The following FREM2 variants were observed in gnomAD, a reference collection of about 807,000 sequenced individuals.
FREM2 encodes the protein FRAS1-related extracellular matrix protein 2.
In FREM2, 119 loss-of-function variants were observed where a neutral mutation model predicts 219.9. That is an observed-to-expected ratio of 0.54 (90% CI 0.47 to 0.63). The LOEUF (loss-of-function observed/expected upper bound fraction) is 0.63. FREM2 is among the 30% of genes least tolerant of loss of function. The probability of loss-of-function intolerance (pLI) is 0.00; values close to 1 mark genes in which losing one functional copy is unlikely to be tolerated. For synonymous variants in FREM2, 1,562 were observed against 1,522.8 expected, an observed-to-expected ratio of 1.03 and a Z score of -0.60; for missense variants, 4,030 against 3,993.6, an observed-to-expected ratio of 1.01 and a Z score of -0.25.
At chr13:38,762,072 C>A (rs778316889) in intron 2 of FREM2, among the ~76,000 whole-genome samples, 2 of 152,084 alleles carry the variant, frequency 1.3e-5, no homozygotes, top group African/African-American at 4.8e-5. Context: ...CGTGGCAGGG[C>A]AGAGTGAGCT....
rs200412879 is a variant in FREM2, at chr13:38,689,263, T to C, written c.1919T>C (p.Val640Ala). 1.0e-4 allele frequency: 164 copies of C among 1,613,888 alleles called. No individual in the cohort carries two copies. Among genetic ancestry groups the C allele is most frequent in the Non-Finnish European group, 1.4e-4 (163 of 1,180,010 alleles). ...RKEGAFYERT[V>A]TEWQQQDITE... is the part of the protein sequence containing the mutation. ...GAGGGGGCATTTTATGAGCGAACAG[T>C]GACAGAGTGGCAGCAGCAGGACATA... The change falls in exon 1 of 24, where the codon GTG becomes GCG. Residue 640 changes from valine to alanine, a missense_variant. Val to Ala is a moderately conservative substitution (Grantham distance 64). Around this residue, in one of 2 missense-constraint regions of FREM2, gnomAD observed 3,102 missense variants for 2,950.7 expected, o/e 1.05. Transcript: ENST00000280481.
intron 2 of FREM2, among the ~76,000 whole-genome samples, chr13:38,698,528 G>T (rs9603410): frequency 0.021 from 3,182 of 152,204 alleles, 104 homozygotes; most frequent in African/African-American, 0.071. Flanking sequence ...GTCACTTTCA[G>T]ATTGCTCATA....
At position 38,833,403 on chromosome 13, in the gene FREM2, C is replaced by T. The variant is rs79366595; in HGVS notation, c.6020-13170C>T. Among the ~76,000 whole-genome samples, 1,205 of 152,098 alleles carry T rather than the reference C, an allele frequency of 7.9e-3. 19 individuals carry two copies. Among genetic ancestry groups the T allele is most frequent in the African/African-American group, 0.027 (1,106 of 41,510 alleles). On this transcript the variant is annotated intron_variant, in intron 6 of 23. Coordinates refer to ENST00000280481, the MANE Select transcript of FREM2 (RefSeq NM_207361.6). The stretch of plus-strand genomic sequence containing the variant: ...TCTTGTAATATTGGGAAACTTCTCC[C>T]TATTCTTAGTTATTTTTTATTCTCT...
intron 6 of FREM2, among the ~76,000 whole-genome samples, chr13:38,798,891 A>C (rs983125987): frequency 3.3e-5 from 5 of 151,900 alleles, no homozygotes; most frequent in Admixed American, 3.3e-4. Context: ...GAGGTTTATC[A>C]ATTTCATTTA....
At chr13:38,854,871 A>C (rs1218582146) in intron 11 of FREM2, among the ~76,000 whole-genome samples, 1 of 152,184 alleles carries the variant, frequency 6.6e-6, no homozygotes, top group Non-Finnish European at 1.5e-5. Context: ...CCAGACTCTA[A>C]AGGATTTGTA....
chr13:38,852,054 G>C (rs1371186945), intron 11 of FREM2, among the ~76,000 whole-genome samples, 186 bp downstream of exon 11: 3 of 152,138 alleles, frequency 2.0e-5, no homozygotes, highest in Non-Finnish European at 2.9e-5. Flanking sequence ...TAGTAGTGAA[G>C]TCTAGTCTTT....
chr13:38,877,663 A>G (rs187549742), intron 21 of FREM2, among the ~76,000 whole-genome samples: 73 of 152,340 alleles, frequency 4.8e-4, no homozygotes, highest in South Asian at 1.9e-3. Context: ...TAGGGGTTCA[A>G]TAATAGTTAT....
intron 4 of FREM2, among the ~76,000 whole-genome samples, chr13:38,772,702 T>TC (rs1873713172): frequency 9.3e-4 from 1 of 1,080 alleles, no homozygotes; most frequent in Non-Finnish European, 2.1e-3. Context: ...TCTCTCTCTC[T>TC]TTTTTTTTTT....
At chr13:38,776,122 A>C (rs1415207203) in intron 4 of FREM2, among the ~76,000 whole-genome samples, 2 of 152,324 alleles carry the variant, frequency 1.3e-5, no homozygotes, top group Middle Eastern at 3.4e-3. Flanking sequence ...AAACCATAGA[A>C]ATGTAAGAAA....
At chr13:38,764,481 A>C in intron 3 of FREM2, 31 bp downstream of exon 3, 1 of 1,261,524 alleles carries the variant, frequency 7.9e-7, no homozygotes, top group Admixed American at 2.0e-5. Flanking sequence ...CTGTTTTAAA[A>C]TTTTATTTTT....
chr13:38,763,197 C>A (rs769965911), intron 2 of FREM2, among the ~76,000 whole-genome samples: 8 of 152,178 alleles, frequency 5.3e-5, no homozygotes, highest in Non-Finnish European at 7.3e-5. Flanking sequence ...CCTACATAAT[C>A]TCAGTTGTAC....
rs1164391867 is a variant in FREM2 at position 38,823,850 on chromosome 13, GCAAGAAAAAA to G, written c.6020-22722_6020-22713del. 7.7e-3 allele frequency among the ~76,000 whole-genome samples: 1,164 copies of G among 152,150 alleles called. 7 individuals carry two copies. Among genetic ancestry groups the G allele is most frequent in the Non-Finnish European group, 0.011 (729 of 67,976 alleles). On this transcript the variant is annotated intron_variant, in intron 6 of 23. Transcript: ENST00000280481. ...AATATGGAAAGAAAAGGATGAAGATGCAAGAAAAAAGGTTGTGGCCCATAGTATTAAATTC... is the reference window on the plus strand; with the variant it reads ...AATATGGAAAGAAAAGGATGAAGATGGGTTGTGGCCCATAGTATTAAATTC...
chr13:38,714,107 G>A (rs976394526), intron 2 of FREM2, among the ~76,000 whole-genome samples: 2 of 152,230 alleles, frequency 1.3e-5, no homozygotes, highest in Non-Finnish European at 2.9e-5. Context: ...AAACTGTTTA[G>A]GGACAGAGGC....
intron 6 of FREM2, among the ~76,000 whole-genome samples, chr13:38,800,376 A>G (rs1010610254): frequency 2.6e-5 from 4 of 152,108 alleles, no homozygotes; most frequent in Non-Finnish European, 4.4e-5. Flanking sequence ...TACTTTGAAT[A>G]TGTCATTATC....
rs1475558832 is a variant in FREM2 at position 38,882,367 on chromosome 13, G to C, written c.*1580G>C. On this transcript the variant is annotated 3_prime_UTR_variant, in exon 24 of 24. Transcript: ENST00000280481. ...TCTTGGTCACTGCAGAATTTTAAAAGGCAAACTTCTCAGAACAGATGTGCA... is the reference window on the plus strand; with the variant it reads ...TCTTGGTCACTGCAGAATTTTAAAACGCAAACTTCTCAGAACAGATGTGCA... 6.6e-6 allele frequency: 1 copy of C among 152,148 alleles called. No individual in the cohort carries two copies. The highest frequency in any genetic ancestry group is 1.9e-4 in the East Asian group (1 of 5,180). 9.4% of individuals were successfully genotyped at this position (152,148 alleles called of 1,614,324 possible). A position where few individuals can be genotyped will look rare whatever the true frequency, so the allele number is the denominator to read the frequency against.
At chr13:38,721,338 C>T (rs1228349879) in intron 2 of FREM2, among the ~76,000 whole-genome samples, 1 of 152,032 alleles carries the variant, frequency 6.6e-6, no homozygotes, top group Admixed American at 6.5e-5. Context: ...TAGTAGAGAA[C>T]ATAGGTAGGG....
chr13:38,724,129 T>G (rs1161072738), intron 2 of FREM2, among the ~76,000 whole-genome samples: 1 of 152,216 alleles, frequency 6.6e-6, no homozygotes, highest in African/African-American at 2.4e-5. Flanking sequence ...TTGTTACTCC[T>G]TCTATCCTAT....
In FREM2 at chr13:38,792,220, G is replaced by A. The variant is rs1480406487; in HGVS notation, c.6019+7412G>A. Among the ~76,000 whole-genome samples the A allele has an allele frequency of 3.9e-5, 6 of 152,096 alleles. No homozygotes were observed. The South Asian group carries it at 6.2e-4, about 16-fold the overall frequency. The stretch of plus-strand genomic sequence containing the variant: ...AAAACTTAGCCGGGTGTGGTGGCAC[G>A]TGCCTGTAATCCCAGCTACTCAGGA... On this transcript the variant is annotated intron_variant, in intron 6 of 23. Transcript: ENST00000280481.
At chr13:38,863,552 T>C (rs1373913973) in intron 15 of FREM2, among the ~76,000 whole-genome samples, 3 of 1,094 alleles carry the variant, frequency 2.7e-3, no homozygotes, top group Non-Finnish European at 6.2e-3. Flanking sequence ...AACTATGTTA[T>C]AAAACAAAAA....
Sources: gnomAD v4.1 joint callset for allele counts (sites outside exome capture counted in the v4.1 genomes callset) on GRCh38, gnomAD v4.1.1 for gene constraint, gnomAD v4.1.1 regional missense constraint, MANE v1.5 for transcripts, NCBI Gene and HGNC (gene_info 2026-07-23, HGNC 2026-07-21) for gene names.